SEPHS1: variants seen among roughly 807,000 people sequenced by gnomAD.
SEPHS1 encodes selenophosphate synthetase 1.
In SEPHS1, 7 loss-of-function variants were observed where a neutral mutation model predicts 39.2. The ratio of observed to expected loss-of-function variants is 0.18; its 90% CI spans 0.10 to 0.34. The LOEUF (loss-of-function observed/expected upper bound fraction) is 0.34, where lower values mean the gene tolerates loss of function less well. SEPHS1 is among the 10% of genes least tolerant of loss of function. The probability of loss-of-function intolerance (pLI) is 1.00; values close to 1 mark genes in which losing one functional copy is unlikely to be tolerated. For missense variants in SEPHS1, 253 were observed against 514.5 expected (o/e 0.49, Z 4.92); for synonymous variants, 190 against 195.5 (o/e 0.97, Z 0.23).
chr10:13,337,064 T>C (rs947557967), intron 3 of SEPHS1, among the ~76,000 whole-genome samples: 4 of 152,236 alleles, frequency 2.6e-5, no homozygotes, highest in African/African-American at 9.6e-5. Flanking sequence ...GGCATGAGAA[T>C]TGCTTGAACC....
At position 13,348,154 on chromosome 10, in the gene SEPHS1, G is replaced by A. The variant is rs1288553037; in HGVS notation, c.-233C>T. The A allele has an allele frequency of 6.9e-6, 1 of 144,484 alleles. No individual in the cohort carries two copies. The highest frequency in any genetic ancestry group is 2.5e-5 in the African/African-American group (1 of 40,324). 9.0% of individuals were successfully genotyped at this position (144,484 alleles called of 1,614,324 possible). On this transcript the variant is annotated 5_prime_UTR_variant, in exon 1 of 9. Transcript: ENST00000327347. ...GGCGGGGGCCCGGGCCCGCGCCTGG[G>A]CGCCGCGGGGGCTCGCCTGCCTCGG...
At chr10:13,338,891 G>A (rs761257380) in intron 2 of SEPHS1, 83 bp from the exon 3 acceptor site, 18 of 981,898 alleles carry the variant, frequency 1.8e-5, no homozygotes, top group Non-Finnish European at 2.3e-5. Context: ...TGAACAGGAA[G>A]AGCTCATAAG....
At chr10:13,334,024 A>C in intron 4 of SEPHS1, 53 bp from the exon 5 acceptor site, 1 of 1,498,354 alleles carries the variant, frequency 6.7e-7, no homozygotes, top group South Asian at 1.2e-5. Context: ...TTCAAAACCC[A>C]GAAAAGAAGG....
intron 4 of SEPHS1, among the ~76,000 whole-genome samples, chr10:13,335,354 T>C (rs1355121500): frequency 6.6e-6 from 1 of 152,202 alleles, no homozygotes; most frequent in African/African-American, 2.4e-5. Context: ...ACCATTACTA[T>C]GGCCAAAACT....
At chr10:13,328,587 C>T (rs1833374550) in intron 6 of SEPHS1, 137 bp from the exon 7 acceptor site, 1 of 652,558 alleles carries the variant, frequency 1.5e-6, no homozygotes, top group Non-Finnish European at 2.7e-6. Context: ...AATTTTCCAA[C>T]TCTGGTTTTT....
At chr10:13,322,677 A>C (rs1468145163) in intron 8 of SEPHS1, among the ~76,000 whole-genome samples, 158 bp downstream of exon 8, 1 of 152,108 alleles carries the variant, frequency 6.6e-6, no homozygotes, top group Non-Finnish European at 1.5e-5. Context: ...GACCAGACCC[A>C]CCGGGAGGAG....
At chr10:13,341,691 T>A (rs1273405758) in intron 2 of SEPHS1, among the ~76,000 whole-genome samples, 1 of 152,200 alleles carries the variant, frequency 6.6e-6, no homozygotes, top group African/African-American at 2.4e-5. Flanking sequence ...GCGCGGGGGC[T>A]CATGCCTTTA....
intron 7 of SEPHS1, among the ~76,000 whole-genome samples, chr10:13,328,044 C>T (rs1833356389): frequency 6.6e-6 from 1 of 151,326 alleles, no homozygotes; most frequent in African/African-American, 2.4e-5. Context: ...GTATCTTAAA[C>T]TTTCTAAATT....
chr10:13,326,573 G>C (rs1182064379), intron 7 of SEPHS1, among the ~76,000 whole-genome samples: 1 of 142,980 alleles, frequency 7.0e-6, no homozygotes, highest in Admixed American at 7.0e-5. Context: ...TTTGAGACAT[G>C]ATCTCACCCT....
chr10:13,320,187 A>T (rs953566054), intron 8 of SEPHS1, among the ~76,000 whole-genome samples: 14 of 146,046 alleles, frequency 9.6e-5, no homozygotes, highest in African/African-American at 2.7e-4. Context: ...TAGGCCATAA[A>T]TTTTTTTTTT....
chr10:13,336,186 C>T, intron 4 of SEPHS1, 57 bp downstream of exon 4: 1 of 1,245,136 alleles, frequency 8.0e-7, no homozygotes, highest in Non-Finnish European at 1.2e-6. Context: ...CTAACCAAGG[C>T]CAGAGATGCC....
chr10:13,320,732 G>C (rs1462842274), intron 8 of SEPHS1, among the ~76,000 whole-genome samples: 3 of 152,026 alleles, frequency 2.0e-5, no homozygotes, highest in Non-Finnish European at 4.4e-5. Context: ...TCGGGCTGAG[G>C]CAAGAGAATC....
At chr10:13,346,275 A>G (rs1161305696) in intron 1 of SEPHS1, among the ~76,000 whole-genome samples, 1 of 152,190 alleles carries the variant, frequency 6.6e-6, no homozygotes, top group Non-Finnish European at 1.5e-5. Flanking sequence ...CTCCAGACTG[A>G]TACTTTATTG....
Position 13,336,345 on chromosome 10 carries a change from C to G in SEPHS1, c.303G>C (p.Arg101Ser), listed in dbSNP as rs1402240125. ...PIVDDPYMMGRIACANVLSDL... is the reference protein window; with the variant it reads ...PIVDDPYMMGSIACANVLSDL... ...CACTGAGGACATTGGCACACGCTAT[C>G]CTGCCCTGGGAAGAGAGGGAAACAT... The change falls in exon 4 of 9, where the codon AGG (arginine) becomes AGC (serine). Residue 101 changes from arginine to serine, a missense_variant. Arg to Ser is a moderately radical substitution (Grantham distance 110). This residue lies in a region of SEPHS1 where 123 missense variants were observed against 196.8 expected (regional missense o/e 0.62). Transcript: ENST00000327347. 1 of 1,612,170 alleles carries G rather than the reference C, an allele frequency of 6.2e-7. No homozygotes were observed. The highest frequency in any genetic ancestry group is 8.5e-7 in the Non-Finnish European group (1 of 1,178,412).
rs372138605 is a variant in SEPHS1, at chr10:13,336,315, G to A, written c.333C>T (p.Leu111=). The A allele has an allele frequency of 1.2e-6, 2 of 1,613,900 alleles. No individual in the cohort carries two copies. Among genetic ancestry groups the A allele is most frequent in the Admixed American group, 1.7e-5 (1 of 59,988 alleles). Residue 111 remains leucine, a synonymous_variant, in exon 4 of 9, where the codon CTC becomes CTT. Coordinates refer to ENST00000327347, the MANE Select transcript of SEPHS1 (RefSeq NM_012247.5). ...CACATTCCGTGACCCCCATTGCATA[G>A]AGGTCACTGAGGACATTGGCACACG... ...RIACANVLSD[L]YAMGVTECDN... is the part of the protein sequence containing the mutation.
chr10:13,330,874 T>G (rs948461682), intron 5 of SEPHS1, among the ~76,000 whole-genome samples: 4 of 152,052 alleles, frequency 2.6e-5, no homozygotes, highest in African/African-American at 7.2e-5. Flanking sequence ...CTAGGGTACA[T>G]GTACACAACA....
chr10:13,330,368 A>G (rs998595619), intron 5 of SEPHS1, among the ~76,000 whole-genome samples: 1 of 152,148 alleles, frequency 6.6e-6, no homozygotes, highest in South Asian at 2.1e-4. Context: ...TTCTGCCTCC[A>G]GGTTCTCAAA....
chr10:13,317,963 A>T lies in SEPHS1; in HGVS notation c.*1179T>A, dbSNP rs1832992654. On this transcript the variant is annotated 3_prime_UTR_variant, in exon 9 of 9. Coordinates refer to ENST00000327347, the MANE Select transcript of SEPHS1 (RefSeq NM_012247.5). ...CAAGAAAATATAGGTCCCATGAAAG[A>T]CTTAAAAGTTTTATAAAACTAAAAT... The T allele has an allele frequency of 6.6e-6, 1 of 152,210 alleles. No homozygotes were observed. Among genetic ancestry groups the T allele is most frequent in the African/African-American group, 2.4e-5 (1 of 41,448 alleles). The allele number at this position is 152,210 out of a possible 1,614,324, so 9.4% of individuals were successfully genotyped here.
intron 7 of SEPHS1, 21 bp downstream of exon 7, chr10:13,328,330 C>A: frequency 6.6e-7 from 1 of 1,524,524 alleles, no homozygotes; most frequent in Non-Finnish European, 9.1e-7. Context: ...GGGACCGAAG[C>A]GCCCTTCCCA....
Sources: gnomAD v4.1 joint callset for allele counts (sites outside exome capture counted in the v4.1 genomes callset) on GRCh38, gnomAD v4.1.1 for gene constraint, gnomAD v4.1.1 regional missense constraint, MANE v1.5 for transcripts, NCBI Gene and HGNC (gene_info 2026-07-23, HGNC 2026-07-21) for gene names.